Variants in KHDRBS2 observed in about 807,000 individuals in gnomAD.
KHDRBS2 encodes the protein KH domain-containing, RNA-binding, signal transduction-associated protein 2.
A neutral mutation model predicts 44.3 loss-of-function variants in KHDRBS2; 26 were observed. The ratio of observed to expected loss-of-function variants is 0.59; its 90% CI spans 0.43 to 0.81. The LOEUF (loss-of-function observed/expected upper bound fraction) is 0.81, where lower values mean the gene tolerates loss of function less well. Among genes scored for constraint, KHDRBS2 ranks in the 40% least tolerant of loss-of-function variants. The pLI is 0.00. For missense variants in KHDRBS2, 476 were observed against 433.1 expected (o/e 1.10, Z -0.88); for synonymous variants, 194 against 151.1 (o/e 1.28, Z -2.08).
Position 62,175,218 on chromosome 6 carries a change from G to A in KHDRBS2, c.219+1967C>T, listed in dbSNP as rs188285939. Among the ~76,000 whole-genome samples the A allele has an allele frequency of 8.4e-3, 1,277 of 151,670 alleles. 16 individuals carry two copies. The highest frequency in any genetic ancestry group is 0.029 in the African/African-American group (1,192 of 41,500). On this transcript the variant is annotated intron_variant, in intron 2 of 8. Coordinates refer to ENST00000281156, the MANE Select transcript of KHDRBS2 (RefSeq NM_152688.4). Reference sequence around the variant, plus strand: ...TCAAAAAGCTCTAAAGTTATCTTATGTGTGATAATTAGGTGAAATGAATAT... The same window carrying A: ...TCAAAAAGCTCTAAAGTTATCTTATATGTGATAATTAGGTGAAATGAATAT...
chr6:61,683,776 C>G (rs529265446), intron 8 of KHDRBS2, among the ~76,000 whole-genome samples: 1 of 151,792 alleles, frequency 6.6e-6, no homozygotes, highest in South Asian at 2.1e-4. Flanking sequence ...TTTTATAACG[C>G]TCTGCTTCTA....
At chr6:61,776,691 G>A (rs1782082615) in intron 6 of KHDRBS2, among the ~76,000 whole-genome samples, 1 of 152,170 alleles carries the variant, frequency 6.6e-6, no homozygotes, top group African/African-American at 2.4e-5. Flanking sequence ...CTGTTGGTGG[G>A]ACTGTAAACT....
intron 2 of KHDRBS2, among the ~76,000 whole-genome samples, chr6:62,160,338 G>T (rs924974672): frequency 2.0e-5 from 3 of 152,104 alleles, no homozygotes; most frequent in Non-Finnish European, 4.4e-5. Context: ...TAAATAGGTT[G>T]CCTAAGTTAG....
chr6:62,177,381 T>C, intron 1 of KHDRBS2, 69 bp from the exon 2 acceptor site: 1 of 1,223,678 alleles, frequency 8.2e-7, no homozygotes, highest in Non-Finnish European at 1.1e-6. Flanking sequence ...TGCTGAAAAA[T>C]GTTATCATAA....
At chr6:62,187,947 G>A (rs1292626299) in intron 1 of KHDRBS2, among the ~76,000 whole-genome samples, 2 of 151,954 alleles carry the variant, frequency 1.3e-5, no homozygotes, top group Non-Finnish European at 2.9e-5. Context: ...CATCTGCTTG[G>A]CTTTTGGTGA....
rs866550531 is a variant in KHDRBS2, at chr6:62,105,712, T to A, written c.220-57718A>T. Among the ~76,000 whole-genome samples the A allele has an allele frequency of 5.3e-5, 8 of 152,338 alleles. No homozygotes were observed. The East Asian group carries it at 5.8e-4, about 11-fold the overall frequency. ...GCTAGCGGTCTATCAATTTTGTTGA[T>A]CCTTTCAAAAAACCAGCTCCTGGAT... On this transcript the variant is annotated intron_variant, in intron 2 of 8. Coordinates refer to ENST00000281156, the MANE Select transcript of KHDRBS2 (RefSeq NM_152688.4).
chr6:61,811,137 C>A (rs1165121464), intron 6 of KHDRBS2, among the ~76,000 whole-genome samples: 1 of 151,956 alleles, frequency 6.6e-6, no homozygotes, highest in Non-Finnish European at 1.5e-5. Context: ...TCTCCAATGT[C>A]TATTGTTTCC....
chr6:61,882,102 A>C (rs1014724518), intron 6 of KHDRBS2, among the ~76,000 whole-genome samples: 1 of 152,008 alleles, frequency 6.6e-6, no homozygotes, highest in Non-Finnish European at 1.5e-5. Context: ...TTGATACACA[A>C]TCTCTGTGAT....
chr6:62,105,149 C>A (rs114002495), intron 2 of KHDRBS2, among the ~76,000 whole-genome samples: 13 of 151,954 alleles, frequency 8.6e-5, no homozygotes, highest in Non-Finnish European at 1.6e-4. Context: ...AACATTTTCT[C>A]AAAAAATAAG....
At chr6:61,664,755 A>G in the KHDRBS2 span, among the ~76,000 whole-genome samples, 1 of 151,744 alleles carries the variant, frequency 6.6e-6, no homozygotes, top group Admixed American at 6.6e-5. Flanking sequence ...TTACAAAGCA[A>G]TGAGTTTTTC....
At chr6:61,572,463 T>G in the KHDRBS2 span, among the ~76,000 whole-genome samples, 1 of 152,018 alleles carries the variant, frequency 6.6e-6, no homozygotes, top group Non-Finnish European at 1.5e-5. Context: ...CCTGAATAAT[T>G]CTATAGAGCC....
At chr6:62,198,463 C>T (rs868523737) in intron 1 of KHDRBS2, among the ~76,000 whole-genome samples, 16 of 152,134 alleles carry the variant, frequency 1.1e-4, no homozygotes, top group African/African-American at 2.4e-4. Context: ...AACACCTCTA[C>T]GCAAATAAAC....
chr6:62,264,407 A>G (rs1158681454), intron 1 of KHDRBS2, among the ~76,000 whole-genome samples: 1 of 151,800 alleles, frequency 6.6e-6, no homozygotes, highest in Admixed American at 6.6e-5. Context: ...TTTTTATTCT[A>G]TGTACTCGAA....
the KHDRBS2 span, among the ~76,000 whole-genome samples, chr6:61,590,933 C>T: frequency 6.6e-6 from 1 of 152,140 alleles, no homozygotes; most frequent in Admixed American, 6.6e-5. Flanking sequence ...ACAAAATCCA[C>T]AGATTAATGT....
Position 61,696,902 on chromosome 6 carries a change from A to T in KHDRBS2, c.952+293T>A, listed in dbSNP as rs1410455904. Among the ~76,000 whole-genome samples, 4 of 152,184 alleles carry T rather than the reference A, an allele frequency of 2.6e-5. 1 individual carries two copies. In the South Asian group the frequency reaches 8.3e-4, roughly 31 times the overall value. On this transcript the variant is annotated intron_variant, in intron 8 of 8. Transcript: ENST00000281156. ...AAGACACAATATTGTTGCCAAATCA[A>T]TGAGTCAGACAATGAACACAGTTAA...
chr6:62,135,865 A>C (rs1302855963), intron 2 of KHDRBS2, among the ~76,000 whole-genome samples: 2 of 152,078 alleles, frequency 1.3e-5, no homozygotes, highest in Non-Finnish European at 2.9e-5. Context: ...GTAAAAAAAC[A>C]AAAAAAGGAC....
intron 2 of KHDRBS2, among the ~76,000 whole-genome samples, chr6:62,113,921 G>A (rs1310449505): frequency 6.6e-6 from 1 of 152,052 alleles, no homozygotes; most frequent in Non-Finnish European, 1.5e-5. Flanking sequence ...TATAACAGAA[G>A]GAGTTTTAAC....
intron 6 of KHDRBS2, among the ~76,000 whole-genome samples, chr6:61,743,072 C>T (rs1474961162): frequency 6.6e-6 from 1 of 152,046 alleles, no homozygotes; most frequent in Non-Finnish European, 1.5e-5. Flanking sequence ...CTAATGCTAA[C>T]TTTTCAATCA....
At chr6:62,146,891 C>T (rs914872918) in intron 2 of KHDRBS2, among the ~76,000 whole-genome samples, 3 of 151,864 alleles carry the variant, frequency 2.0e-5, no homozygotes, top group African/African-American at 7.2e-5. Flanking sequence ...GCATAGGCTT[C>T]TCCATGGGTA....
Sources: gnomAD v4.1 joint callset for allele counts (sites outside exome capture counted in the v4.1 genomes callset) on GRCh38, gnomAD v4.1.1 for gene constraint, MANE v1.5 for transcripts, NCBI Gene and HGNC (gene_info 2026-07-23, HGNC 2026-07-21) for gene names.